TXLNB: variants seen among roughly 807,000 people sequenced by gnomAD.
The protein encoded by TXLNB is taxilin beta, also known as beta-taxilin.
A neutral mutation model predicts 57.4 loss-of-function variants in TXLNB; 37 were observed. The observed-to-expected ratio is 0.64, with a 90% CI of 0.50 to 0.85. The LOEUF is 0.85. TXLNB is among the 40% of genes least tolerant of loss of function. The pLI is 0.00. For missense variants in TXLNB, 848 were observed against 825.6 expected (o/e 1.03, Z -0.33); for synonymous variants, 302 against 309.6 (o/e 0.98, Z 0.26).
the TXLNB span, among the ~76,000 whole-genome samples, chr6:139,167,889 C>T: frequency 3.7e-4 from 57 of 152,076 alleles, no homozygotes; most frequent in East Asian, 9.4e-3. Flanking sequence ...CTGTGGATGG[C>T]ATATAAGGAT....
In TXLNB at chr6:139,277,486, T is replaced by G. The variant is rs187940781; in HGVS notation, c.425-565A>C. Among the ~76,000 whole-genome samples, 421 of 152,288 alleles carry G rather than the reference T, an allele frequency of 2.8e-3. 4 individuals carry two copies. Among genetic ancestry groups the G allele is most frequent in the Non-Finnish European group, 4.6e-3 (310 of 68,018 alleles). On this transcript the variant is annotated intron_variant, in intron 2 of 9. Coordinates refer to ENST00000358430, the MANE Select transcript of TXLNB (RefSeq NM_153235.4). ...TAGGGGGAACCAAGTTTCTCTTTTT[T>G]GTACATAAACCCATTCCCTGGCGTT...
the TXLNB span, among the ~76,000 whole-genome samples, chr6:139,221,406 G>A: frequency 6.6e-6 from 1 of 152,080 alleles, no homozygotes; most frequent in South Asian, 2.1e-4. Context: ...ACTGCCTGCT[G>A]GAAGCTAAAA....
chr6:139,225,284 G>C, the TXLNB span, among the ~76,000 whole-genome samples: 113,683 of 151,582 alleles, frequency 0.75, 42,768 homozygotes, highest in East Asian at 0.83. Flanking sequence ...AAGAAGCCCA[G>C]TATCACCATA....
the TXLNB span, among the ~76,000 whole-genome samples, chr6:139,215,434 T>C: frequency 1.3e-5 from 2 of 152,292 alleles, no homozygotes; most frequent in Admixed American, 1.3e-4. Context: ...TATAGAAAGC[T>C]GAAACTGGAT....
intron 2 of TXLNB, chr6:139,286,880 G>C (rs185511484): frequency 4.1e-5 from 7 of 172,248 alleles, no homozygotes; most frequent in Admixed American, 6.3e-5. Context: ...CAAGCTCAAG[G>C]CTCCCACTGA....
the TXLNB span, among the ~76,000 whole-genome samples, chr6:139,159,689 G>C: frequency 1.3e-5 from 2 of 152,132 alleles, no homozygotes; most frequent in Non-Finnish European, 2.9e-5. Context: ...GAGTCTGGTT[G>C]GGTCATTCTT....
chr6:139,174,303 T>C, the TXLNB span: 1 of 1,448,564 alleles, frequency 6.9e-7, no homozygotes, highest in East Asian at 2.3e-5. Context: ...TTATAATTGG[T>C]AGATGAAACA....
chr6:139,303,998 T>C, the TXLNB span, among the ~76,000 whole-genome samples: 1 of 152,000 alleles, frequency 6.6e-6, no homozygotes, highest in African/African-American at 2.4e-5. Context: ...CTTTCTAAAG[T>C]ACTATCAAAA....
rs200959785 is a variant in TXLNB at position 139,243,021 on chromosome 6, G to T, written c.1560C>A (p.Ser520=). The T allele has an allele frequency of 4.6e-5, 74 of 1,614,138 alleles. No individual in the cohort carries two copies. The highest frequency in any genetic ancestry group is 4.3e-4 in the Admixed American group (26 of 60,016). ...IHHPESTPHQ[S]KETQPEIGSS... ...TGCCTATTTCGGGTTGGGTTTCTTTGGACTGGTGCGGGGTTGACTCTGGAT... is the reference window on the plus strand; with the variant it reads ...TGCCTATTTCGGGTTGGGTTTCTTTTGACTGGTGCGGGGTTGACTCTGGAT... The change falls in exon 10 of 10, where the codon TCC becomes TCA. Residue 520 remains serine (S), a synonymous_variant. Coordinates refer to ENST00000358430, the MANE Select transcript of TXLNB (RefSeq NM_153235.4).
chr6:139,180,800 T>TAACA, the TXLNB span: 1 of 152,656 alleles, frequency 6.6e-6, no homozygotes, highest in African/African-American at 2.4e-5. Context: ...TTCCAGAAAC[T>TAACA]AACATTGTAC....
chr6:139,291,136 A>G (rs546630771), intron 1 of TXLNB, among the ~76,000 whole-genome samples: 2 of 152,334 alleles, frequency 1.3e-5, no homozygotes, highest in East Asian at 1.9e-4. Flanking sequence ...TCCCCTGAAC[A>G]CGGAGAAAGA....
intron 9 of TXLNB, among the ~76,000 whole-genome samples, chr6:139,244,039 C>T (rs1327352081): frequency 6.6e-6 from 1 of 152,236 alleles, no homozygotes. Flanking sequence ...GTAAGCCCTA[C>T]CTCTCAGGTC....
the TXLNB span, among the ~76,000 whole-genome samples, chr6:139,316,962 G>A: frequency 1.3e-5 from 2 of 152,294 alleles, no homozygotes; most frequent in African/African-American, 4.8e-5. Context: ...GGAGAAAAGG[G>A]AATTGCAGAA....
In TXLNB at chr6:139,240,755, T is replaced by C. The variant is rs1339386257; in HGVS notation, c.*1771A>G. The stretch of plus-strand genomic sequence containing the variant: ...TTCCTGCCTAGCAACTTTGTTATTA[T>C]CCTCACTGTCTACTTCAAACAAACT... On this transcript the variant is annotated 3_prime_UTR_variant, in exon 10 of 10. Transcript: ENST00000358430. The C allele has an allele frequency of 6.6e-6, 1 of 152,616 alleles. No homozygotes were observed. Among genetic ancestry groups the C allele is most frequent in the African/African-American group, 2.4e-5 (1 of 41,478 alleles). 9.5% of individuals were successfully genotyped at this position (152,616 alleles called of 1,614,324 possible).
the TXLNB span, among the ~76,000 whole-genome samples, chr6:139,188,363 G>C: frequency 1.0e-3 from 154 of 152,274 alleles, 1 homozygote; most frequent in South Asian, 9.5e-3. Context: ...TGTGACAGCC[G>C]TATTTGTTTT....
At chr6:139,323,505 G>A in the TXLNB span, among the ~76,000 whole-genome samples, 1 of 151,996 alleles carries the variant, frequency 6.6e-6, no homozygotes, top group African/African-American at 2.4e-5. Flanking sequence ...GGATGGTCTC[G>A]ATCTCCTGAC....
the TXLNB span, among the ~76,000 whole-genome samples, chr6:139,218,895 C>G: frequency 2.2e-4 from 34 of 152,216 alleles, no homozygotes; most frequent in African/African-American, 7.9e-4. Context: ...GCTGGTTCCC[C>G]CAAATTCCAT....
At chr6:139,195,266 T>A in the TXLNB span, among the ~76,000 whole-genome samples, 1 of 152,354 alleles carries the variant, frequency 6.6e-6, no homozygotes, top group Admixed American at 6.5e-5. Flanking sequence ...ACATTTTATT[T>A]TGTAAGTTTT....
chr6:139,192,588 G>A, the TXLNB span, among the ~76,000 whole-genome samples: 4 of 152,234 alleles, frequency 2.6e-5, no homozygotes, highest in African/African-American at 7.2e-5. Context: ...GTCACTGAAT[G>A]TATGAATAAG....
Sources: allele counts gnomAD v4.1 joint callset (sites outside exome capture counted in the v4.1 genomes callset), GRCh38; gene constraint gnomAD v4.1.1; transcripts MANE v1.5; gene names NCBI Gene and HGNC (gene_info 2026-07-23, HGNC 2026-07-21).